The following SOS1 variants were observed in gnomAD, a reference collection of about 807,000 sequenced individuals.
SOS1 encodes SOS Ras/Rac guanine nucleotide exchange factor 1, also known as son of sevenless homolog 1.
In SOS1, 25 loss-of-function variants were observed where a neutral mutation model predicts 157.6. That is an observed-to-expected ratio of 0.16 (90% confidence interval 0.12 to 0.22). The LOEUF (loss-of-function observed/expected upper bound fraction) is 0.22. Among genes scored for constraint, SOS1 ranks in the 10% least tolerant of loss-of-function variants. The pLI is 1.00. For missense variants in SOS1, 1,237 were observed against 1,599.1 expected (o/e 0.77, Z 3.86); for synonymous variants, 528 against 534.0 (o/e 0.99, Z 0.16).
intron 5 of SOS1, 142 bp from the exon 6 acceptor site, chr2:39,051,429 T>C: frequency 2.9e-6 from 2 of 700,644 alleles, no homozygotes; most frequent in Non-Finnish European, 4.9e-6. Flanking sequence ...GAAATATGAA[T>C]AAAGGACAAT....
intron 8 of SOS1, among the ~76,000 whole-genome samples, chr2:39,034,010 A>G (rs559583891): frequency 5.3e-5 from 8 of 152,206 alleles, no homozygotes; most frequent in Non-Finnish European, 8.8e-5. Flanking sequence ...CATTATAACT[A>G]TAGTTAGTAA....
intron 10 of SOS1, among the ~76,000 whole-genome samples, chr2:39,017,820 AT>A (rs764205057): frequency 6.6e-6 from 1 of 152,090 alleles, no homozygotes; most frequent in South Asian, 2.1e-4. Flanking sequence ...AATTCCAGAC[AT>A]TATTTTTATT....
chr2:38,995,505 G>T, intron 19 of SOS1, 118 bp from the exon 20 acceptor site: 1 of 758,728 alleles, frequency 1.3e-6, no homozygotes, highest in Non-Finnish European at 2.3e-6. Context: ...TCACTAATAA[G>T]GACATAATTA....
At position 38,986,161 on chromosome 2, in the gene SOS1, G is replaced by A; in HGVS notation, c.3665C>T (p.Thr1222Ile). 1 of 1,613,844 alleles carries A rather than the reference G, an allele frequency of 6.2e-7. No homozygotes were observed. Among genetic ancestry groups the A allele is most frequent in the Non-Finnish European group, 8.5e-7 (1 of 1,179,870 alleles). The change falls in exon 23 of 23, where the codon ACA becomes ATA. Residue 1222 changes from threonine (T) to isoleucine (I), a missense_variant. Around this residue, in one of 15 missense-constraint regions of SOS1, gnomAD observed 306 missense variants for 322.6 expected, o/e 0.95. Transcript: ENST00000402219. ...PLLPPREPVR[T>I]PDVFSSSPLH... ...TGGTGAGCTTGAGAAAACATCAGGT[G>A]TCCTCACAGGTTCTCGTGGTGGTAA... is the stretch of plus-strand genomic sequence containing the variant.
intron 1 of SOS1, among the ~76,000 whole-genome samples, chr2:39,103,238 G>A (rs993231541): frequency 6.6e-6 from 1 of 152,078 alleles, no homozygotes; most frequent in Non-Finnish European, 1.5e-5. Flanking sequence ...ACTACCTAGA[G>A]CAATGTACAG....
In SOS1 at chr2:38,981,700, A is replaced by G. The variant is rs1668403197; in HGVS notation, c.*4124T>C. ...TACCTATGAACATGGTTAGGTACAAAGGCCATATTAGATGTATAGACCACA... is the reference window on the plus strand; with the variant it reads ...TACCTATGAACATGGTTAGGTACAAGGGCCATATTAGATGTATAGACCACA... On this transcript the variant is annotated 3_prime_UTR_variant, in exon 23 of 23. Transcript: ENST00000402219. 1 of 152,184 alleles carries G rather than the reference A, an allele frequency of 6.6e-6. No homozygotes were observed. Among genetic ancestry groups the G allele is most frequent in the African/African-American group, 2.4e-5 (1 of 41,450 alleles). The allele number at this position is 152,184 out of a possible 1,614,324, so 9.4% of individuals were successfully genotyped here.
chr2:39,077,493 A>G (rs1286225002), intron 1 of SOS1, among the ~76,000 whole-genome samples: 1 of 152,164 alleles, frequency 6.6e-6, no homozygotes, highest in Non-Finnish European at 1.5e-5. Flanking sequence ...ATTTTCTGAA[A>G]AATTGAGATG....
rs150125819 is a variant in SOS1, at chr2:39,110,026, TTG to T, written c.87+10308_87+10309del. The stretch of plus-strand genomic sequence containing the variant: ...TAAACTGACAGAGATACAGATACAG[TTG>T]TGTGTGTGTGCGTGTGTGTGTGTGT... On this transcript the variant is annotated intron_variant, in intron 1 of 22. Transcript: ENST00000402219. 5.6e-3 allele frequency among the ~76,000 whole-genome samples: 751 copies of T among 134,188 alleles called. 9 individuals are homozygous for T. Among genetic ancestry groups the T allele is most frequent in the African/African-American group, 0.019 (708 of 36,546 alleles). 88.0% of individuals were successfully genotyped at this position (134,188 alleles called of 152,430 possible).
At chr2:38,986,856 C>T (rs1668575044) in intron 22 of SOS1, among the ~76,000 whole-genome samples, 1 of 152,082 alleles carries the variant, frequency 6.6e-6, no homozygotes, top group Admixed American at 6.6e-5. Flanking sequence ...TTTAAGTTAA[C>T]TATGTTAACA....
At chr2:39,067,546 G>T in intron 2 of SOS1, 82 bp downstream of exon 2, 1 of 1,260,956 alleles carries the variant, frequency 7.9e-7, no homozygotes, top group Non-Finnish European at 1.2e-6. Context: ...TATAGAGAGA[G>T]CAAATTCTTT....
rs942463878 is a variant in SOS1 at position 38,983,348 on chromosome 2, T to C, written c.*2476A>G. The C allele has an allele frequency of 6.6e-5, 10 of 152,308 alleles. No homozygotes were observed. The highest frequency in any genetic ancestry group is 2.1e-4 in the South Asian group (1 of 4,826). The allele number at this position is 152,308 out of a possible 1,614,324, so 9.4% of individuals were successfully genotyped here. A position where few individuals can be genotyped will look rare whatever the true frequency, so the allele number is the denominator to read the frequency against. ...CTCACCTCCACCTAAGGGCATCCAA[T>C]TGGCATTTTTCTAATCAGTTACCAC... On this transcript the variant is annotated 3_prime_UTR_variant, in exon 23 of 23. Transcript: ENST00000402219.
chr2:38,998,881 C>T (rs1256060886), intron 17 of SOS1, among the ~76,000 whole-genome samples: 2 of 152,180 alleles, frequency 1.3e-5, no homozygotes, highest in Non-Finnish European at 2.9e-5. Context: ...GCATTAGGTA[C>T]TGCAGGTACA....
intron 1 of SOS1, among the ~76,000 whole-genome samples, chr2:39,115,731 C>T (rs976460014): frequency 6.6e-6 from 1 of 152,190 alleles, no homozygotes; most frequent in Non-Finnish European, 1.5e-5. Context: ...AGCCACCACA[C>T]CCAGCCAGTT....
intron 20 of SOS1, among the ~76,000 whole-genome samples, chr2:38,990,463 T>C (rs1376033713): frequency 6.6e-6 from 1 of 152,162 alleles, no homozygotes; most frequent in Non-Finnish European, 1.5e-5. Flanking sequence ...TTTTCTTCCC[T>C]ATTAGCCACC....
At chr2:39,002,835 C>T (rs1669148809) in intron 17 of SOS1, among the ~76,000 whole-genome samples, 4 of 152,036 alleles carry the variant, frequency 2.6e-5, no homozygotes, top group Admixed American at 2.6e-4. Context: ...GAGGCCAAGG[C>T]AGGTGGATCT....
intron 2 of SOS1, among the ~76,000 whole-genome samples, chr2:39,060,702 G>A: frequency 6.6e-6 from 1 of 152,186 alleles, no homozygotes; most frequent in Non-Finnish European, 1.5e-5. Context: ...TGGGATTACA[G>A]GTGTGAGCCA....
At chr2:39,043,581 A>C (rs556567741) in intron 6 of SOS1, among the ~76,000 whole-genome samples, 93 of 152,308 alleles carry the variant, frequency 6.1e-4, no homozygotes, top group Non-Finnish European at 1.3e-4. Flanking sequence ...GTAATTCATA[A>C]AGAAATTTAT....
At chr2:39,074,217 G>C (rs1446653928) in intron 1 of SOS1, among the ~76,000 whole-genome samples, 1 of 152,102 alleles carries the variant, frequency 6.6e-6, no homozygotes, top group Non-Finnish European at 1.5e-5. Flanking sequence ...AGGTGCGGTG[G>C]TGCCCACCTA....
chr2:39,115,365 G>C (rs1351650151), intron 1 of SOS1, among the ~76,000 whole-genome samples: 1 of 140,580 alleles, frequency 7.1e-6, no homozygotes, highest in Non-Finnish European at 1.5e-5. Flanking sequence ...ATTATTTTGA[G>C]ATTCAGCCAT....
Sources: allele counts gnomAD v4.1 joint callset (sites outside exome capture counted in the v4.1 genomes callset), GRCh38; gene constraint gnomAD v4.1.1; regional missense constraint gnomAD v4.1.1; transcripts MANE v1.5; gene names NCBI Gene and HGNC (gene_info 2026-07-23, HGNC 2026-07-21).